Variants in MRRF observed in about 807,000 individuals in gnomAD.
MRRF encodes the protein ribosome-recycling factor, mitochondrial.
Under a neutral mutation model 25.1 loss-of-function variants are expected in MRRF, and 18 were observed. The ratio of observed to expected loss-of-function variants is 0.72; its 90% CI spans 0.50 to 1.06. MRRF has a LOEUF of 1.06. Ranked by LOEUF, MRRF falls within the 50% of genes least tolerant of loss-of-function variation. The pLI is 0.00. For missense variants in MRRF, 323 were observed against 319.3 expected (o/e 1.01, Z -0.09); for synonymous variants, 113 against 112.1 (o/e 1.01, Z -0.05).
rs969153462 is a variant in MRRF at position 122,271,035 on chromosome 9, A to G, written c.144A>G (p.Ser48=). 1.2e-6 allele frequency: 2 copies of G among 1,614,096 alleles called. No homozygotes were observed. Among genetic ancestry groups the G allele is most frequent in the African/African-American group, 2.7e-5 (2 of 74,930 alleles). ...QHGHRQYMAY[S]AVPVRHFATK... is the part of the protein sequence containing the mutation. Reference sequence around the variant, plus strand: ...GCCATAGGCAATACATGGCCTATTCAGCTGTACCAGTCCGCCATTTTGCTA... The same window carrying G: ...GCCATAGGCAATACATGGCCTATTCGGCTGTACCAGTCCGCCATTTTGCTA... Residue 48 remains serine (S), a synonymous_variant, in exon 2 of 7, where the codon TCA becomes TCG. Coordinates refer to ENST00000344641, the MANE Select transcript of MRRF (RefSeq NM_138777.5).
At chr9:122,322,411 C>A in intron 6 of MRRF, 129 bp from the exon 7 acceptor site, 1 of 812,834 alleles carries the variant, frequency 1.2e-6, no homozygotes, top group Non-Finnish European at 2.1e-6. Flanking sequence ...CAGTGCCTGA[C>A]TGGTACTTAA....
At chr9:122,282,563 T>G (rs1833146867) in intron 3 of MRRF, among the ~76,000 whole-genome samples, 1 of 152,210 alleles carries the variant, frequency 6.6e-6, no homozygotes, top group Non-Finnish European at 1.5e-5. Flanking sequence ...TCAGGTTCCA[T>G]TAAGAGCTGT....
In MRRF at chr9:122,328,530, A is replaced by G. The variant is rs1226135943; in HGVS notation, c.*5913A>G. The G allele has an allele frequency of 6.6e-6, 1 of 152,206 alleles. No homozygotes were observed. The highest frequency in any genetic ancestry group is 1.9e-4 in the East Asian group (1 of 5,202). The allele number at this position is 152,206 out of a possible 1,614,324, so 9.4% of individuals were successfully genotyped here. Reference sequence around the variant, plus strand: ...CTGAAGCATGATGTCCTTAAAGTATATCCATATTGTAGCATGTATCAGAAT... The same window carrying G: ...CTGAAGCATGATGTCCTTAAAGTATGTCCATATTGTAGCATGTATCAGAAT... On this transcript the variant is annotated 3_prime_UTR_variant, in exon 7 of 7. Transcript: ENST00000344641.
At chr9:122,276,784 TTC>T (rs1832799006) in intron 2 of MRRF, among the ~76,000 whole-genome samples, 1 of 152,224 alleles carries the variant, frequency 6.6e-6, no homozygotes, top group African/African-American at 2.4e-5. Context: ...TGATCAACTT[TTC>T]TGTTTTTTTA....
Position 122,280,458 on chromosome 9 carries a change from A to G in MRRF, c.200A>G (p.Gln67Arg), listed in dbSNP as rs772624943. The stretch of plus-strand genomic sequence containing the variant: ...CACTTTTTAGCCAAAGGGAAAGGAC[A>G]GTCCCAAACCAGAGTGAATATTAAT... ...TKKAKAKGKG[Q>R]SQTRVNINAA... The change falls in exon 3 of 7, where the codon CAG becomes CGG. Residue 67 changes from glutamine (Q) to arginine (R), a missense_variant. Physicochemically the swap from Gln to Arg is conservative, Grantham distance 43. Transcript: ENST00000344641. 10 of 1,614,060 alleles carry G rather than the reference A, an allele frequency of 6.2e-6. No homozygotes were observed. Among genetic ancestry groups the G allele is most frequent in the Non-Finnish European group, 5.1e-6 (6 of 1,179,994 alleles).
chr9:122,293,729 G>A (rs1833913567), intron 5 of MRRF, among the ~76,000 whole-genome samples: 1 of 152,196 alleles, frequency 6.6e-6, no homozygotes, highest in Non-Finnish European at 1.5e-5. Context: ...GAATGCGTAT[G>A]TGCCAGGCTC....
chr9:122,290,644 A>ATTG (rs1161377304), intron 4 of MRRF, among the ~76,000 whole-genome samples: 1 of 152,220 alleles, frequency 6.6e-6, no homozygotes, highest in Non-Finnish European at 1.5e-5. Context: ...AAGTGCAGGA[A>ATTG]TTGGCCTTTG....
chr9:122,312,325 A>G (rs1835254238), intron 5 of MRRF, among the ~76,000 whole-genome samples: 1 of 152,176 alleles, frequency 6.6e-6, no homozygotes, highest in East Asian at 1.9e-4. Flanking sequence ...AATTAGACTC[A>G]TTGTTGTTTT....
chr9:122,266,500 C>G (rs1391953471), intron 1 of MRRF, among the ~76,000 whole-genome samples: 1 of 152,186 alleles, frequency 6.6e-6, no homozygotes, highest in African/African-American at 2.4e-5. Flanking sequence ...AGTGAAAGAT[C>G]ACTTTTCTTA....
chr9:122,291,637 A>G (rs558614351), intron 4 of MRRF, 112 bp from the exon 5 acceptor site: 5 of 803,338 alleles, frequency 6.2e-6, no homozygotes, highest in Admixed American at 5.5e-5. Context: ...TACTGGTAAC[A>G]GAACTAAATG....
At chr9:122,269,120 C>T (rs1427047288) in intron 1 of MRRF, among the ~76,000 whole-genome samples, 1 of 150,402 alleles carries the variant, frequency 6.6e-6, no homozygotes, top group Non-Finnish European at 1.5e-5. Flanking sequence ...GAGCCGAGAT[C>T]GTGCCACTGC....
intron 1 of MRRF, among the ~76,000 whole-genome samples, chr9:122,269,177 A>AT (rs1407433683): frequency 4.9e-4 from 74 of 150,998 alleles, no homozygotes; most frequent in African/African-American, 1.7e-3. Flanking sequence ...AAAAAAAAAA[A>AT]AATAATAATA....
At chr9:122,293,419 A>G (rs1269214142) in intron 5 of MRRF, among the ~76,000 whole-genome samples, 1 of 152,200 alleles carries the variant, frequency 6.6e-6, no homozygotes, top group Non-Finnish European at 1.5e-5. Flanking sequence ...GTTGATAACA[A>G]AGCCTCATGA....
Position 122,326,190 on chromosome 9 carries a change from C to G in MRRF, c.*3573C>G, listed in dbSNP as rs1453735522. The G allele has an allele frequency of 6.6e-6, 1 of 151,490 alleles. No individual in the cohort carries two copies. The highest frequency in any genetic ancestry group is 1.5e-5 in the Non-Finnish European group (1 of 67,966). 9.4% of individuals were successfully genotyped at this position (151,490 alleles called of 1,614,324 possible). A position where few individuals can be genotyped will look rare whatever the true frequency, so the allele number is the denominator to read the frequency against. On this transcript the variant is annotated 3_prime_UTR_variant, in exon 7 of 7. Transcript: ENST00000344641. ...TGGCGCAATCTCGGCTCACTGCAAC[C>G]TCTGCCTCCCTGGTTCAAGCAGTTT...
At chr9:122,272,312 A>G (rs1229755249) in intron 2 of MRRF, among the ~76,000 whole-genome samples, 1 of 152,202 alleles carries the variant, frequency 6.6e-6, no homozygotes, top group African/African-American at 2.4e-5. Context: ...TACAGTGCAT[A>G]AGCAGCATTT....
Position 122,327,599 on chromosome 9 carries a change from G to T in MRRF, c.*4982G>T, listed in dbSNP as rs1046187198. 2 of 152,198 alleles carry T rather than the reference G, an allele frequency of 1.3e-5. No homozygotes were observed. The highest frequency in any genetic ancestry group is 4.8e-5 in the African/African-American group (2 of 41,440). The allele number at this position is 152,198 out of a possible 1,614,324, so 9.4% of individuals were successfully genotyped here. On this transcript the variant is annotated 3_prime_UTR_variant, in exon 7 of 7. Coordinates refer to ENST00000344641, the MANE Select transcript of MRRF (RefSeq NM_138777.5). ...CCCTTTGATGAGTCTTGGACTGAAA[G>T]TGGTGTGTTTCAGACCCCTGCTATT...
intron 1 of MRRF, among the ~76,000 whole-genome samples, chr9:122,270,416 G>A (rs144840644): frequency 9.8e-5 from 15 of 152,312 alleles, no homozygotes; most frequent in African/African-American, 2.9e-4. Context: ...AAATGCTGTC[G>A]TGTGAATTTT....
chr9:122,292,011 C>G (rs12344467), intron 5 of MRRF, among the ~76,000 whole-genome samples, 171 bp downstream of exon 5: 5,576 of 152,198 alleles, frequency 0.037, 205 homozygotes, highest in South Asian at 0.14. Flanking sequence ...ACTTATTGAG[C>G]GCCTGTTATG....
chr9:122,324,875 C>A lies in MRRF; in HGVS notation c.*2258C>A, dbSNP rs1158364050. On this transcript the variant is annotated 3_prime_UTR_variant, in exon 7 of 7. Coordinates refer to ENST00000344641, the MANE Select transcript of MRRF (RefSeq NM_138777.5). ...CCTGCCCCACTTACCTGTCCTCTAA[C>A]CCCATCCACCAGCCCTAAGTGGTCA... 6.6e-6 allele frequency: 1 copy of A among 152,214 alleles called. No individual in the cohort carries two copies. Among genetic ancestry groups the A allele is most frequent in the Non-Finnish European group, 1.5e-5 (1 of 68,060 alleles). The allele number at this position is 152,214 out of a possible 1,614,324, so 9.4% of individuals were successfully genotyped here.
Sources: allele counts gnomAD v4.1 joint callset (sites outside exome capture counted in the v4.1 genomes callset), GRCh38; gene constraint gnomAD v4.1.1; transcripts MANE v1.5; gene names NCBI Gene and HGNC (gene_info 2026-07-23, HGNC 2026-07-21).